SEL1L: variants seen among roughly 807,000 people sequenced by gnomAD.
SEL1L encodes SEL1L adaptor subunit of SYVN1 ubiquitin ligase.
A neutral mutation model predicts 109.8 loss-of-function variants in SEL1L; 52 were observed. The observed-to-expected ratio is 0.47, with a 90% CI of 0.38 to 0.60. The LOEUF is 0.60. Among genes scored for constraint, SEL1L ranks in the 20% least tolerant of loss-of-function variants. The pLI, the probability that SEL1L is intolerant of heterozygous loss-of-function variation, is 0.00. For synonymous variants in SEL1L, 373 were observed against 339.6 expected (o/e 1.10, Z -1.08); for missense variants, 749 against 962.2 (o/e 0.78, Z 2.93).
rs771451126 is a variant in SEL1L, at chr14:81,502,737, G to A, written c.761C>T (p.Ser254Phe). 1 of 1,613,934 alleles carries A rather than the reference G, an allele frequency of 6.2e-7. No individual in the cohort carries two copies. The highest frequency in any genetic ancestry group is 8.5e-7 in the Non-Finnish European group (1 of 1,179,880). ...EMFEKLTEEG[S>F]PKGQTALGFL... ...TGTACTTACAGTCTGTCCCTTGGGA[G>A]AGCCTTCCTCAGTCAGCTTCTCAAA... Residue 254 changes from serine (S) to phenylalanine (F), a missense_variant, in exon 6 of 21, where the codon TCT (serine) becomes TTT (phenylalanine). Around this residue, in one of 2 missense-constraint regions of SEL1L, gnomAD observed 366 missense variants for 399.8 expected, o/e 0.92. Coordinates refer to ENST00000336735, the MANE Select transcript of SEL1L (RefSeq NM_005065.6).
intron 3 of SEL1L, among the ~76,000 whole-genome samples, chr14:81,521,438 G>C (rs1884902702): frequency 6.6e-6 from 1 of 152,160 alleles, no homozygotes; most frequent in African/African-American, 2.4e-5. Flanking sequence ...AAAATTCTGA[G>C]CAATCAACAA....
intron 1 of SEL1L, among the ~76,000 whole-genome samples, chr14:81,530,607 A>C (rs1595540972): frequency 6.6e-6 from 1 of 152,246 alleles, no homozygotes. Context: ...CAAAAATAAG[A>C]AAGCATGCAT....
intron 16 of SEL1L, among the ~76,000 whole-genome samples, 157 bp downstream of exon 16, chr14:81,487,232 AC>A (rs1283638139): frequency 1.3e-5 from 2 of 152,162 alleles, no homozygotes; most frequent in Non-Finnish European, 1.5e-5. Context: ...TATGGTAATT[AC>A]ACACAGACCC....
At chr14:81,523,800 C>T (rs1375687075) in intron 3 of SEL1L, among the ~76,000 whole-genome samples, 1 of 152,004 alleles carries the variant, frequency 6.6e-6, no homozygotes, top group Non-Finnish European at 1.5e-5. Context: ...CTCTGCAGAA[C>T]TGATTGCTTA....
At chr14:81,483,861 A>T (rs1300798341) in intron 19 of SEL1L, among the ~76,000 whole-genome samples, 1 of 152,230 alleles carries the variant, frequency 6.6e-6, no homozygotes, top group Non-Finnish European at 1.5e-5. Context: ...AAGAATCAGA[A>T]ATAAATTTAT....
At chr14:81,504,080 G>T in intron 5 of SEL1L, 121 bp downstream of exon 5, 2 of 520,196 alleles carry the variant, frequency 3.8e-6, no homozygotes, top group Non-Finnish European at 3.4e-6. Flanking sequence ...ACATTTTTTT[G>T]TAATGGAACT....
intron 16 of SEL1L, 81 bp from the exon 17 acceptor site, chr14:81,486,535 C>T: frequency 7.3e-7 from 1 of 1,378,708 alleles, no homozygotes; most frequent in African/African-American, 1.4e-5. Context: ...ACTTTGGTTA[C>T]ACATGACTAT....
intron 10 of SEL1L, among the ~76,000 whole-genome samples, chr14:81,496,349 A>C (rs1450683317): frequency 2.6e-5 from 4 of 152,138 alleles, no homozygotes; most frequent in Admixed American, 2.6e-4. Flanking sequence ...ACAAAAAAAA[A>C]ACTGAATTTG....
intron 3 of SEL1L, among the ~76,000 whole-genome samples, chr14:81,515,333 C>T (rs765357468): frequency 1.3e-5 from 2 of 152,222 alleles, no homozygotes; most frequent in East Asian, 3.8e-4. Context: ...GGCAAACCTT[C>T]GATCTCACTT....
At chr14:81,514,105 C>T (rs958188674) in intron 3 of SEL1L, among the ~76,000 whole-genome samples, 1 of 152,216 alleles carries the variant, frequency 6.6e-6, no homozygotes, top group Admixed American at 6.5e-5. Context: ...AGTATATACT[C>T]CAGGACTCTA....
At chr14:81,513,228 G>A (rs1002902868) in intron 3 of SEL1L, among the ~76,000 whole-genome samples, 1 of 152,330 alleles carries the variant, frequency 6.6e-6, no homozygotes, top group South Asian at 2.1e-4. Context: ...ACATGGGCAG[G>A]GCCAAATAAG....
chr14:81,483,921 T>G (rs1903437792), intron 19 of SEL1L, among the ~76,000 whole-genome samples: 1 of 152,182 alleles, frequency 6.6e-6, no homozygotes, highest in Non-Finnish European at 1.5e-5. Flanking sequence ...AAAATAGAAT[T>G]TGGCTGACGA....
intron 12 of SEL1L, 142 bp from the exon 13 acceptor site, chr14:81,490,607 A>G: frequency 1.5e-6 from 1 of 679,748 alleles, no homozygotes; most frequent in Non-Finnish European, 2.5e-6. Flanking sequence ...ATATTTTAGA[A>G]TTAAAAGCAA....
rs1426862207 is a variant in SEL1L, at chr14:81,486,313, T to C, written c.1774A>G (p.Asn592Asp). 1 of 1,614,184 alleles carries C rather than the reference T, an allele frequency of 6.2e-7. No homozygotes were observed. Among genetic ancestry groups the C allele is most frequent in the Admixed American group, 1.7e-5 (1 of 60,032 alleles). The change falls in exon 17 of 21, where the codon AAT (asparagine) becomes GAT (aspartate). Residue 592 changes from asparagine to aspartate, a missense_variant. Around this residue, in one of 2 missense-constraint regions of SEL1L, gnomAD observed 383 missense variants for 562.5 expected, o/e 0.68. Transcript: ENST00000336735. ...CTCTGATCAAGAATAAAGGCTGCAT[T>C]GCTTTGTGCCACTTCATAGCCCTGT... The part of the protein sequence containing the change: ...AEQGYEVAQS[N>D]AAFILDQREA...
Position 81,476,064 on chromosome 14 carries a change from G to A in SEL1L, c.*908C>T, listed in dbSNP as rs1297428933. 1 of 152,170 alleles carries A rather than the reference G, an allele frequency of 6.6e-6. No individual in the cohort carries two copies. The highest frequency in any genetic ancestry group is 1.9e-4 in the East Asian group (1 of 5,200). The allele number at this position is 152,170 out of a possible 1,614,324, so 9.4% of individuals were successfully genotyped here. ...AGTAAAATAAATCCTGGGAACAAATGCTTCAACTTTAGGAAAAGTATGTCT... is the reference window on the plus strand; with the variant it reads ...AGTAAAATAAATCCTGGGAACAAATACTTCAACTTTAGGAAAAGTATGTCT... On this transcript the variant is annotated 3_prime_UTR_variant, in exon 21 of 21. Transcript: ENST00000336735.
chr14:81,485,486 A>C (rs1903492574), intron 18 of SEL1L, among the ~76,000 whole-genome samples, 186 bp downstream of exon 18: 1 of 149,468 alleles, frequency 6.7e-6, no homozygotes, highest in Non-Finnish European at 1.5e-5. Flanking sequence ...GGGTTTTACT[A>C]TGCTGGCCAG....
At chr14:81,498,178 T>C (rs1883851443) in intron 9 of SEL1L, 132 bp from the exon 10 acceptor site, 5 of 950,784 alleles carry the variant, frequency 5.3e-6, no homozygotes, top group Admixed American at 3.0e-5. Context: ...CAGTAGTCTA[T>C]ATAGATCGCA....
At chr14:81,525,815 A>AC (rs1331663853) in intron 3 of SEL1L, among the ~76,000 whole-genome samples, 1 of 152,188 alleles carries the variant, frequency 6.6e-6, no homozygotes, top group Non-Finnish European at 1.5e-5. Flanking sequence ...TAAACTGTTA[A>AC]GTGCAAAATG....
Position 81,474,215 on chromosome 14 carries a change from C to T in SEL1L, c.*2757G>A, listed in dbSNP as rs140271139. The T allele has an allele frequency of 7.1e-4, 102 of 143,586 alleles. No homozygotes were observed. The highest frequency in any genetic ancestry group is 2.6e-3 in the African/African-American group (100 of 38,634). The allele number at this position is 143,586 out of a possible 1,614,324, so 8.9% of individuals were successfully genotyped here. ...TCAAAAATAAGCCTTACCTAGAAAA[C>T]AGAAACTGAAACTTCAAACACAGAG... On this transcript the variant is annotated 3_prime_UTR_variant, in exon 21 of 21. Coordinates refer to ENST00000336735, the MANE Select transcript of SEL1L (RefSeq NM_005065.6).
Sources: allele counts gnomAD v4.1 joint callset (sites outside exome capture counted in the v4.1 genomes callset), GRCh38; gene constraint gnomAD v4.1.1; regional missense constraint gnomAD v4.1.1; transcripts MANE v1.5; gene names NCBI Gene and HGNC (gene_info 2026-07-23, HGNC 2026-07-21).